ANO2: variants seen among roughly 807,000 people sequenced by gnomAD.
The protein encoded by ANO2 is anoctamin 2.
ANO2 carries 101 observed loss-of-function variants against 124.2 expected under a neutral mutation model. That is an observed-to-expected ratio of 0.81 (90% CI 0.69 to 0.96). The LOEUF (loss-of-function observed/expected upper bound fraction) is 0.96, where lower values mean the gene tolerates loss of function less well. Ranked by LOEUF, ANO2 falls within the 40% of genes least tolerant of loss-of-function variation. The pLI is 0.00. For synonymous variants in ANO2, 486 were observed against 482.5 expected (o/e 1.01, Z -0.09); for missense variants, 1,293 against 1,274.5 (o/e 1.01, Z -0.22).
intron 14 of ANO2, among the ~76,000 whole-genome samples, chr12:5,690,534 G>A (rs1312491665): frequency 6.6e-6 from 1 of 152,138 alleles, no homozygotes; most frequent in African/African-American, 2.4e-5. Context: ...TCTGGGCCTG[G>A]GCTCTTCTGA....
chr12:5,934,506 GCTT>G (rs1317294120), intron 1 of ANO2, among the ~76,000 whole-genome samples: 3 of 152,224 alleles, frequency 2.0e-5, no homozygotes, highest in African/African-American at 7.2e-5. Context: ...TTCAGGAAGT[GCTT>G]CTCTCAATGA....
chr12:5,789,338 G>A (rs12304385), intron 10 of ANO2, among the ~76,000 whole-genome samples: 22,558 of 152,200 alleles, frequency 0.15, 1,851 homozygotes, highest in African/African-American at 0.22. Flanking sequence ...ATGACAGCTG[G>A]AAATCATACC....
At chr12:5,716,048 A>G (rs1269474964) in intron 14 of ANO2, among the ~76,000 whole-genome samples, 2 of 152,224 alleles carry the variant, frequency 1.3e-5, no homozygotes, top group African/African-American at 2.4e-5. Context: ...GTATTCAACA[A>G]TATTACAATT....
chr12:5,599,763 A>G, intron 19 of ANO2, 134 bp from the exon 20 acceptor site: 1 of 979,112 alleles, frequency 1.0e-6, no homozygotes, highest in Non-Finnish European at 1.5e-6. Context: ...AGAGATAGAG[A>G]GACACTAAAG....
intron 14 of ANO2, among the ~76,000 whole-genome samples, chr12:5,655,197 C>A (rs955127803): frequency 2.6e-5 from 4 of 152,224 alleles, no homozygotes; most frequent in African/African-American, 9.6e-5. Flanking sequence ...TTGCCACCTA[C>A]AATTTTATCT....
At chr12:5,715,247 T>G (rs1348269974) in intron 14 of ANO2, among the ~76,000 whole-genome samples, 3 of 152,194 alleles carry the variant, frequency 2.0e-5, no homozygotes, top group Non-Finnish European at 2.9e-5. Context: ...GGTCAATCAT[T>G]TACCAACCGG....
intron 14 of ANO2, among the ~76,000 whole-genome samples, chr12:5,709,156 C>T (rs993734773): frequency 1.3e-5 from 2 of 152,172 alleles, no homozygotes; most frequent in Admixed American, 6.5e-5. Flanking sequence ...TGTACTACAC[C>T]GAGTACACGA....
chr12:5,671,062 AAGCACAC>A (rs1947974595), intron 14 of ANO2, among the ~76,000 whole-genome samples: 1 of 152,180 alleles, frequency 6.6e-6, no homozygotes, highest in East Asian at 1.9e-4. Flanking sequence ...GCCCTCTCAG[AAGCACAC>A]TTGCCCTCAG....
At chr12:5,712,091 A>T (rs1417221879) in intron 14 of ANO2, among the ~76,000 whole-genome samples, 1 of 152,236 alleles carries the variant, frequency 6.6e-6, no homozygotes, top group Non-Finnish European at 1.5e-5. Context: ...AAGGTCAAAC[A>T]GAAGCTCTCA....
At chr12:5,920,899 A>G (rs1020397824) in intron 3 of ANO2, 141 bp downstream of exon 3, 15 of 1,041,558 alleles carry the variant, frequency 1.4e-5, no homozygotes, top group Non-Finnish European at 2.0e-5. Context: ...AGAAAGAAAC[A>G]AAATCTGGTT....
intron 14 of ANO2, among the ~76,000 whole-genome samples, chr12:5,657,491 C>CT (rs1292315081): frequency 7.4e-5 from 5 of 67,724 alleles, no homozygotes; most frequent in Admixed American, 1.3e-4. Context: ...TATACTTTTC[C>CT]ATTTTTTTTT....
intron 4 of ANO2, among the ~76,000 whole-genome samples, chr12:5,850,008 A>C (rs1187325584): frequency 1.3e-5 from 2 of 152,110 alleles, no homozygotes; most frequent in Non-Finnish European, 2.9e-5. Context: ...TCAGAGCCTC[A>C]GATTAATTTT....
chr12:5,793,392 T>C (rs1243987591), intron 10 of ANO2, among the ~76,000 whole-genome samples: 1 of 152,232 alleles, frequency 6.6e-6, no homozygotes, highest in African/African-American at 2.4e-5. Context: ...GTCTGGCCTC[T>C]AAGCTTCATT....
intron 10 of ANO2, among the ~76,000 whole-genome samples, chr12:5,764,949 T>A (rs960827572): frequency 2.0e-5 from 3 of 152,122 alleles, no homozygotes; most frequent in African/African-American, 7.2e-5. Context: ...CAATGCCTCA[T>A]CCCTTAAAGG....
intron 1 of ANO2, among the ~76,000 whole-genome samples, chr12:5,934,266 C>T (rs764558028): frequency 6.6e-6 from 1 of 152,168 alleles, no homozygotes; most frequent in Non-Finnish European, 1.5e-5. Context: ...ACTCAGTCCA[C>T]ACTTTTCTCC....
chr12:5,650,111 A>AACAG, intron 14 of ANO2, among the ~76,000 whole-genome samples: 1 of 152,260 alleles, frequency 6.6e-6, no homozygotes, highest in South Asian at 2.1e-4. Flanking sequence ...AGTCCCACTC[A>AACAG]ACAGACACAG....
intron 15 of ANO2, among the ~76,000 whole-genome samples, chr12:5,645,932 T>C (rs1399147013): frequency 2.6e-5 from 4 of 152,232 alleles, no homozygotes; most frequent in African/African-American, 7.2e-5. Flanking sequence ...ACAGTAGGGA[T>C]TGCCCCTGGC....
At chr12:5,728,102 G>A (rs564111356) in intron 14 of ANO2, among the ~76,000 whole-genome samples, 4 of 152,170 alleles carry the variant, frequency 2.6e-5, no homozygotes, top group Admixed American at 6.5e-5. Context: ...CACCGCACCC[G>A]GCCTCACCAC....
intron 1 of ANO2, among the ~76,000 whole-genome samples, chr12:5,932,316 G>T (rs1234835003): frequency 6.7e-6 from 1 of 149,440 alleles, no homozygotes; most frequent in Non-Finnish European, 1.5e-5. Context: ...GACGAGTGAG[G>T]AAAGAAGATA....
Sources: allele counts gnomAD v4.1 joint callset (sites outside exome capture counted in the v4.1 genomes callset), GRCh38; gene constraint gnomAD v4.1.1; transcripts MANE v1.5; gene names NCBI Gene and HGNC (gene_info 2026-07-23, HGNC 2026-07-21).